The following ZFHX3 variants were observed in gnomAD, a reference collection of about 807,000 sequenced individuals.
The protein encoded by ZFHX3 is zinc finger homeobox 3, also known as zinc finger homeobox protein 3.
A neutral mutation model predicts 279.1 loss-of-function variants in ZFHX3; 42 were observed. The observed-to-expected ratio is 0.15, with a 90% CI of 0.12 to 0.19. The LOEUF (loss-of-function observed/expected upper bound fraction) is 0.19. Among genes scored for constraint, ZFHX3 ranks in the 10% least tolerant of loss-of-function variants. The probability of loss-of-function intolerance (pLI) is 1.00; values close to 1 mark genes in which losing one functional copy is unlikely to be tolerated. For synonymous variants in ZFHX3, 2,293 were observed against 1,957.8 expected, an observed-to-expected ratio of 1.17 and a Z score of -4.52; for missense variants, 4,981 against 4,754.0, an observed-to-expected ratio of 1.05 and a Z score of -1.40.
chr16:73,423,983 G>A (rs1331861068), intron 3 of ZFHX3, among the ~76,000 whole-genome samples: 2 of 152,072 alleles, frequency 1.3e-5, no homozygotes, highest in African/African-American at 4.8e-5. Flanking sequence ...AAGGGGACCT[G>A]AAAGAAGGGC....
chr16:72,855,630 G>A (rs1368863907), intron 4 of ZFHX3, among the ~76,000 whole-genome samples: 11 of 152,176 alleles, frequency 7.2e-5, no homozygotes, highest in South Asian at 2.1e-4. Context: ...TCTGGAAATC[G>A]AGAGAAACCT....
chr16:73,551,579 C>A (rs1184287763), intron 2 of ZFHX3, among the ~76,000 whole-genome samples: 2 of 152,142 alleles, frequency 1.3e-5, no homozygotes, highest in African/African-American at 4.8e-5. Flanking sequence ...TTCCAGAGTT[C>A]ATATTCTTTG....
At chr16:73,645,301 G>T (rs2052608281) in intron 2 of ZFHX3, among the ~76,000 whole-genome samples, 1 of 152,014 alleles carries the variant, frequency 6.6e-6, no homozygotes, top group African/African-American at 2.4e-5. Flanking sequence ...TGTCACCCAG[G>T]CTGGAGTGCA....
At chr16:73,726,459 G>C (rs2053519790) in intron 1 of ZFHX3, among the ~76,000 whole-genome samples, 1 of 152,180 alleles carries the variant, frequency 6.6e-6, no homozygotes, top group Non-Finnish European at 1.5e-5. Flanking sequence ...TATGCACTGG[G>C]GGTTTGTCCT....
Position 72,798,211 on chromosome 16 carries a change from C to G in ZFHX3, c.4471G>C (p.Glu1491Gln), listed in dbSNP as rs745389030. The change falls in exon 9 of 10, where the codon GAA (glutamate) becomes CAA (glutamine). Residue 1491 changes from glutamate (E) to glutamine (Q), a missense_variant. By Grantham distance (29) the Glu-to-Gln change is conservative. Coordinates refer to ENST00000268489, the MANE Select transcript of ZFHX3 (RefSeq NM_006885.4). ...LAEDHTIIVE[E>Q]DKEEESDLED... ...AAGTCACTCTCTTCCTCCTTGTCTTCCTCAACAATTATGGTATGGTCCTCT... is the reference window on the plus strand; with the variant it reads ...AAGTCACTCTCTTCCTCCTTGTCTTGCTCAACAATTATGGTATGGTCCTCT... The G allele has an allele frequency of 6.2e-6, 10 of 1,614,088 alleles. No individual in the cohort carries two copies. The highest frequency in any genetic ancestry group is 8.5e-6 in the Non-Finnish European group (10 of 1,180,050).
intron 3 of ZFHX3, among the ~76,000 whole-genome samples, chr16:73,343,857 C>G (rs1312112956): frequency 6.6e-6 from 1 of 152,066 alleles, no homozygotes; most frequent in African/African-American, 2.4e-5. Context: ...TCCATGAATT[C>G]CTACTAATAT....
intron 5 of ZFHX3, among the ~76,000 whole-genome samples, chr16:73,199,445 G>GT (rs1248484894): frequency 1.3e-5 from 2 of 152,194 alleles, no homozygotes; most frequent in East Asian, 3.8e-4. Context: ...AAGGAAGCCG[G>GT]TTTTATAGGA....
At chr16:73,304,846 C>T (rs62054726) in intron 4 of ZFHX3, among the ~76,000 whole-genome samples, 2 of 152,104 alleles carry the variant, frequency 1.3e-5, no homozygotes, top group African/African-American at 2.4e-5. Context: ...TAGGATCTCT[C>T]AGGGTGCTTT....
Position 73,348,866 on chromosome 16 carries a change from T to C in ZFHX3, c.-1290-30530A>G, listed in dbSNP as rs574884453. 6.6e-5 allele frequency among the ~76,000 whole-genome samples: 10 copies of C among 152,308 alleles called. No individual in the cohort carries two copies. In the South Asian group the frequency reaches 2.1e-3, roughly 32 times the overall value. On this transcript the variant is annotated intron_variant, in intron 3 of 17. Transcript: ENST00000641206. ...TCATTCATTGGAGGCAAGTCTTATG[T>C]GCCTATGTAGGGAATCAGATACCGT...
At chr16:72,873,536 T>C (rs1459927360) in intron 4 of ZFHX3, among the ~76,000 whole-genome samples, 2 of 152,246 alleles carry the variant, frequency 1.3e-5, no homozygotes, top group Non-Finnish European at 2.9e-5. Flanking sequence ...TACGTGTTTA[T>C]AGATTTTCCC....
intron 5 of ZFHX3, among the ~76,000 whole-genome samples, chr16:73,183,601 G>C (rs1000674932): frequency 2.0e-5 from 3 of 152,180 alleles, no homozygotes; most frequent in Non-Finnish European, 2.9e-5. Flanking sequence ...GAGATGGTTG[G>C]GGCTACAGCC....
At chr16:73,461,924 AG>A (rs1452760246) in intron 2 of ZFHX3, among the ~76,000 whole-genome samples, 1 of 152,208 alleles carries the variant, frequency 6.6e-6, no homozygotes, top group Non-Finnish European at 1.5e-5. Flanking sequence ...GAATTCGGAT[AG>A]GAATTAGACT....
chr16:72,800,963 T>C (rs899353821), intron 7 of ZFHX3, among the ~76,000 whole-genome samples: 1 of 152,216 alleles, frequency 6.6e-6, no homozygotes, highest in Non-Finnish European at 1.5e-5. Flanking sequence ...GCCTCAGATA[T>C]TTCTCTAGGC....
intron 1 of ZFHX3, among the ~76,000 whole-genome samples, chr16:73,804,787 CAA>C (rs1960229300): frequency 6.6e-6 from 1 of 151,208 alleles, no homozygotes; most frequent in Non-Finnish European, 1.5e-5. Flanking sequence ...AACATCACTG[CAA>C]AGTCATTATA....
intron 4 of ZFHX3, among the ~76,000 whole-genome samples, chr16:73,312,581 G>A (rs1049259449): frequency 2.0e-5 from 3 of 152,190 alleles, no homozygotes; most frequent in Non-Finnish European, 4.4e-5. Flanking sequence ...CAATGCATGA[G>A]CAAATGCAGA....
chr16:73,813,563 C>T (rs1818959406), intron 1 of ZFHX3, among the ~76,000 whole-genome samples: 1 of 151,976 alleles, frequency 6.6e-6, no homozygotes, highest in Admixed American at 6.6e-5. Flanking sequence ...ATTGCATACC[C>T]CTTCCTTCAT....
At chr16:73,709,151 T>C (rs1464029418) in intron 1 of ZFHX3, among the ~76,000 whole-genome samples, 1 of 152,126 alleles carries the variant, frequency 6.6e-6, no homozygotes, top group Non-Finnish European at 1.5e-5. Context: ...AGAGTCCATC[T>C]GCAGATGAAG....
intron 1 of ZFHX3, among the ~76,000 whole-genome samples, chr16:73,849,298 T>C (rs1961533960): frequency 6.6e-6 from 1 of 152,230 alleles, no homozygotes; most frequent in South Asian, 2.1e-4. Context: ...CAGTTGAACT[T>C]TGAATCTGAA....
intron 1 of ZFHX3, among the ~76,000 whole-genome samples, chr16:73,723,091 G>T (rs1043133186): frequency 6.6e-6 from 1 of 152,094 alleles, no homozygotes; most frequent in Non-Finnish European, 1.5e-5. Context: ...TACCAAAGTG[G>T]CTCAATCCTA....
Sources: allele counts gnomAD v4.1 joint callset (sites outside exome capture counted in the v4.1 genomes callset), GRCh38; gene constraint gnomAD v4.1.1; transcripts MANE v1.5; gene names NCBI Gene and HGNC (gene_info 2026-07-23, HGNC 2026-07-21).